Variants in DLG2 observed in about 807,000 individuals in gnomAD.
The protein encoded by DLG2 is disks large homolog 2.
A neutral mutation model predicts 132.5 loss-of-function variants in DLG2; 45 were observed. The ratio of observed to expected loss-of-function variants is 0.34; its 90% CI spans 0.27 to 0.44. The LOEUF (loss-of-function observed/expected upper bound fraction) is 0.44. Among genes scored for constraint, DLG2 ranks in the 20% least tolerant of loss-of-function variants. The pLI is 1.00. For missense variants in DLG2, 1,045 were observed against 1,196.9 expected (o/e 0.87, Z 1.87); for synonymous variants, 424 against 419.6 (o/e 1.01, Z -0.13).
chr11:84,880,127 G>A (rs1039961532), intron 6 of DLG2, among the ~76,000 whole-genome samples: 1 of 151,974 alleles, frequency 6.6e-6, no homozygotes, highest in African/African-American at 2.4e-5. Context: ...ATAAATGGAG[G>A]GGAAGCATCT....
intron 3 of DLG2, among the ~76,000 whole-genome samples, chr11:85,397,505 A>C (rs965820893): frequency 5.9e-5 from 9 of 152,144 alleles, no homozygotes; most frequent in Non-Finnish European, 1.2e-4. Flanking sequence ...AGAATCAAGC[A>C]CCATTGGTAT....
At chr11:83,896,123 C>A (rs906066041) in intron 15 of DLG2, among the ~76,000 whole-genome samples, 1 of 152,118 alleles carries the variant, frequency 6.6e-6, no homozygotes, top group Non-Finnish European at 1.5e-5. Flanking sequence ...CACAAATTCA[C>A]TAAAAAGGAC....
At chr11:84,816,191 T>C (rs1215413904) in intron 6 of DLG2, among the ~76,000 whole-genome samples, 1 of 151,982 alleles carries the variant, frequency 6.6e-6, no homozygotes, top group African/African-American at 2.4e-5. Flanking sequence ...AAAAGGAACT[T>C]GATTCAATAG....
intron 8 of DLG2, among the ~76,000 whole-genome samples, chr11:84,167,741 A>T (rs2095703880): frequency 6.6e-6 from 1 of 151,930 alleles, no homozygotes. Flanking sequence ...ATCTTGGCTC[A>T]CTGCAACCTC....
At chr11:83,542,700 G>A (rs2096115241) in intron 19 of DLG2, among the ~76,000 whole-genome samples, 1 of 152,120 alleles carries the variant, frequency 6.6e-6, no homozygotes, top group Admixed American at 6.6e-5. Flanking sequence ...GAATCAAAAT[G>A]ATGAACCAGA....
chr11:83,673,013 G>A (rs2153578642), intron 18 of DLG2, among the ~76,000 whole-genome samples: 1 of 152,290 alleles, frequency 6.6e-6, no homozygotes, highest in African/African-American at 2.4e-5. Flanking sequence ...AGTGAGCCAA[G>A]ATAGCGCCAC....
chr11:84,734,250 T>C (rs907424964), intron 6 of DLG2, among the ~76,000 whole-genome samples: 1 of 152,214 alleles, frequency 6.6e-6, no homozygotes, highest in African/African-American at 2.4e-5. Context: ...TTTCATGATA[T>C]TGATTCTTCC....
At chr11:83,854,091 A>T (rs1311823369) in intron 16 of DLG2, among the ~76,000 whole-genome samples, 1 of 152,140 alleles carries the variant, frequency 6.6e-6, no homozygotes, top group African/African-American at 2.4e-5. Context: ...AATGATGAAA[A>T]AGCGAAAACT....
intron 6 of DLG2, among the ~76,000 whole-genome samples, chr11:84,549,121 G>C (rs2099396614): frequency 6.6e-6 from 1 of 152,198 alleles, no homozygotes; most frequent in Admixed American, 6.5e-5. Context: ...CTGGCTGAAG[G>C]ATGCAAAGGA....
intron 7 of DLG2, among the ~76,000 whole-genome samples, chr11:84,533,716 T>C (rs942675189): frequency 2.0e-5 from 3 of 152,030 alleles, no homozygotes; most frequent in Non-Finnish European, 2.9e-5. Flanking sequence ...GCTGGCAAAA[T>C]GAATGTTCTC....
At chr11:85,056,660 C>T (rs1435972421) in intron 6 of DLG2, among the ~76,000 whole-genome samples, 3 of 151,810 alleles carry the variant, frequency 2.0e-5, no homozygotes, top group Non-Finnish European at 4.4e-5. Context: ...TGCTGCAAAT[C>T]CCAAGTAGGG....
Position 85,426,877 on chromosome 11 carries a change from G to GA in DLG2, c.41-141513dup, listed in dbSNP as rs960451913. The stretch of plus-strand genomic sequence containing the variant: ...CCATGGCAAAGTAGTTAAAAACCTT[G>GA]AAAAAAAATTAGACGAATGGCTAAC... On this transcript the variant is annotated intron_variant, in intron 3 of 27. Coordinates refer to ENST00000376104, the MANE Select transcript of DLG2 (RefSeq NM_001142699.3). Among the ~76,000 whole-genome samples the GA allele has an allele frequency of 3.2e-4, 48 of 151,992 alleles. No individual in the cohort carries two copies. In the East Asian group the frequency reaches 3.7e-3, roughly 12 times the overall value.
intron 4 of DLG2, among the ~76,000 whole-genome samples, chr11:85,229,823 G>A (rs913116572): frequency 3.9e-5 from 6 of 152,072 alleles, no homozygotes; most frequent in African/African-American, 1.4e-4. Flanking sequence ...AAAAGAATGA[G>A]TTTATGTCTT....
intron 3 of DLG2, among the ~76,000 whole-genome samples, chr11:85,487,859 A>G (rs116195859): frequency 0.024 from 3,633 of 152,286 alleles, 140 homozygotes; most frequent in African/African-American, 0.082. Flanking sequence ...ATGGCACATT[A>G]TAATCAGACT....
intron 10 of DLG2, among the ~76,000 whole-genome samples, chr11:84,077,399 C>T (rs2096843931): frequency 2.0e-5 from 3 of 152,162 alleles, no homozygotes; most frequent in African/African-American, 4.8e-5. Context: ...CAGTGGGAAG[C>T]CCAGTGGCTC....
intron 6 of DLG2, among the ~76,000 whole-genome samples, chr11:84,790,117 G>A (rs1014940502): frequency 6.6e-6 from 1 of 152,108 alleles, no homozygotes; most frequent in Admixed American, 6.5e-5. Flanking sequence ...TACGATTGCT[G>A]GATTATATGG....
At chr11:83,696,811 A>G (rs1181133273) in intron 18 of DLG2, among the ~76,000 whole-genome samples, 9 of 152,354 alleles carry the variant, frequency 5.9e-5, no homozygotes, top group Non-Finnish European at 1.3e-4. Flanking sequence ...AGGACTTCGT[A>G]GTCACAAATG....
At chr11:83,785,123 C>T (rs145648671) in intron 18 of DLG2, among the ~76,000 whole-genome samples, 2,775 of 151,968 alleles carry the variant, frequency 0.018, 95 homozygotes, top group African/African-American at 0.063. Context: ...GCCACGGTCT[C>T]GGCTCACTGC....
At chr11:85,514,930 G>A (rs548478928) in intron 3 of DLG2, among the ~76,000 whole-genome samples, 3 of 151,906 alleles carry the variant, frequency 2.0e-5, no homozygotes, top group East Asian at 3.9e-4. Flanking sequence ...ATATACTTTC[G>A]TTGTACATCT....
Sources: gnomAD v4.1 joint callset for allele counts (sites outside exome capture counted in the v4.1 genomes callset) on GRCh38, gnomAD v4.1.1 for gene constraint, MANE v1.5 for transcripts, NCBI Gene and HGNC (gene_info 2026-07-23, HGNC 2026-07-21) for gene names.